The following GASK1A variants were observed in gnomAD, a reference collection of about 807,000 sequenced individuals.
GASK1A encodes the protein golgi associated kinase 1A, also known as Golgi-associated kinase 1A.
GASK1A carries 40 observed loss-of-function variants against 41.2 expected under a neutral mutation model. The observed-to-expected ratio is 0.97, with a 90% CI of 0.75 to 1.27. GASK1A has a LOEUF of 1.27. GASK1A is among the 50% of genes most tolerant of loss of function. The pLI, the probability that GASK1A is intolerant of heterozygous loss-of-function variation, is 0.00. For missense variants in GASK1A, 678 were observed against 745.1 expected, an observed-to-expected ratio of 0.91 and a Z score of 1.05; for synonymous variants, 316 against 307.1, an observed-to-expected ratio of 1.03 and a Z score of -0.30.
At chr3:43,002,282 G>A (rs2089413450) in intron 1 of GASK1A, among the ~76,000 whole-genome samples, 1 of 152,156 alleles carries the variant, frequency 6.6e-6, no homozygotes, top group Non-Finnish European at 1.5e-5. Context: ...AAGGCTGGAG[G>A]AAAAACTGAT....
chr3:43,019,074 T>A (rs1356507432), intron 1 of GASK1A, among the ~76,000 whole-genome samples: 1 of 152,166 alleles, frequency 6.6e-6, no homozygotes, highest in African/African-American at 2.4e-5. Flanking sequence ...GGCATGAGGA[T>A]TAAATTATAA....
At chr3:43,035,931 G>T (rs138875246) in intron 2 of GASK1A, among the ~76,000 whole-genome samples, 1 of 152,208 alleles carries the variant, frequency 6.6e-6, no homozygotes, top group Non-Finnish European at 1.5e-5. Context: ...TGACTCTAGA[G>T]CTCACTCTCT....
chr3:43,034,356 G>A (rs1266650707), intron 2 of GASK1A, among the ~76,000 whole-genome samples: 1 of 152,208 alleles, frequency 6.6e-6, no homozygotes, highest in East Asian at 1.9e-4. Flanking sequence ...CAGGGAAGGG[G>A]TTGTGTTGTC....
Position 42,991,778 on chromosome 3 carries a change from C to G in GASK1A, c.3+12133C>G, listed in dbSNP as rs1289153767. 2.0e-5 allele frequency among the ~76,000 whole-genome samples: 3 copies of G among 152,166 alleles called. No individual in the cohort carries two copies. In the East Asian group the frequency reaches 5.8e-4, roughly 29 times the overall value. On this transcript the variant is annotated intron_variant, in intron 1 of 4. Coordinates refer to ENST00000430121, the MANE Select transcript of GASK1A (RefSeq NM_001129908.3). ...GAGAGTGAGTGGGACACACAGGGTT[C>G]TTTCTCAAGGACAGAGTGGCTCTGT...
At chr3:42,994,966 A>G (rs1340073655) in intron 1 of GASK1A, among the ~76,000 whole-genome samples, 3 of 152,208 alleles carry the variant, frequency 2.0e-5, no homozygotes, top group African/African-American at 4.8e-5. Context: ...GCAGGTGGCA[A>G]TTGAACACCT....
At chr3:43,008,044 G>C (rs931056466) in intron 1 of GASK1A, among the ~76,000 whole-genome samples, 1 of 152,170 alleles carries the variant, frequency 6.6e-6, no homozygotes, top group Non-Finnish European at 1.5e-5. Context: ...ATTCTTTTAG[G>C]CTTCTATAAT....
chr3:43,029,792 T>C lies in GASK1A; in HGVS notation c.4-2475T>C, dbSNP rs146096615. On this transcript the variant is annotated intron_variant, in intron 1 of 4. Coordinates refer to ENST00000430121, the MANE Select transcript of GASK1A (RefSeq NM_001129908.3). ...TTTTACAGCTGGGCTGTAACTGAGA[T>C]TTCCCATTTCCACTTCCTTTTGATT... Among the ~76,000 whole-genome samples, 351 of 152,272 alleles carry C rather than the reference T, an allele frequency of 2.3e-3. 3 individuals are homozygous for C. Among genetic ancestry groups the C allele is most frequent in the African/African-American group, 8.1e-3 (335 of 41,534 alleles).
chr3:43,009,548 C>G (rs1191200331), intron 1 of GASK1A, among the ~76,000 whole-genome samples: 2 of 152,226 alleles, frequency 1.3e-5, no homozygotes, highest in East Asian at 1.9e-4. Context: ...GGAATCTCAG[C>G]TCTTCTACTT....
Position 43,038,170 on chromosome 3 carries a change from A to G in GASK1A, c.1290+4617A>G, listed in dbSNP as rs145136705. Among the ~76,000 whole-genome samples, 401 of 152,330 alleles carry G rather than the reference A, an allele frequency of 2.6e-3. 2 individuals carry two copies. In the Middle Eastern group the frequency reaches 0.031, roughly 12 times the overall value. ...TCTGAAACTTTTCGTGACTCACACC[A>G]TGCATCTGTGATCAATGAACTATGT... is the stretch of plus-strand genomic sequence containing the variant. On this transcript the variant is annotated intron_variant, in intron 2 of 4. Transcript: ENST00000430121.
intron 1 of GASK1A, among the ~76,000 whole-genome samples, chr3:42,989,251 A>G (rs1302885574): frequency 6.6e-6 from 1 of 152,168 alleles, no homozygotes; most frequent in Non-Finnish European, 1.5e-5. Context: ...CACATTTCCT[A>G]CAGAGCCTGG....
At chr3:43,007,591 A>G (rs1381776097) in intron 1 of GASK1A, among the ~76,000 whole-genome samples, 1 of 152,200 alleles carries the variant, frequency 6.6e-6, no homozygotes, top group African/African-American at 2.4e-5. Context: ...CTAGTTTAGG[A>G]TTCAGCTTTC....
chr3:42,992,805 G>T (rs1471546990), intron 1 of GASK1A, among the ~76,000 whole-genome samples: 1 of 152,200 alleles, frequency 6.6e-6, no homozygotes, highest in Admixed American at 6.5e-5. Context: ...TTCGCAAATC[G>T]GGCAGCTGCC....
chr3:42,995,153 G>A (rs1310534831), intron 1 of GASK1A, among the ~76,000 whole-genome samples: 1 of 152,216 alleles, frequency 6.6e-6, no homozygotes, highest in Non-Finnish European at 1.5e-5. Flanking sequence ...AGTGGGCTGG[G>A]TGTAACGAAA....
chr3:43,001,335 T>C (rs1475329299), intron 1 of GASK1A, among the ~76,000 whole-genome samples: 1 of 152,180 alleles, frequency 6.6e-6, no homozygotes, highest in African/African-American at 2.4e-5. Flanking sequence ...AAAGCGATCA[T>C]TCCTTCTAAC....
chr3:42,994,044 C>T (rs2089356465), intron 1 of GASK1A, among the ~76,000 whole-genome samples: 1 of 152,176 alleles, frequency 6.6e-6, no homozygotes, highest in Non-Finnish European at 1.5e-5. Context: ...ATGAAGGACT[C>T]CCAGGTGGGC....
At chr3:43,037,572 G>A in intron 2 of GASK1A, 1 of 311,128 alleles carries the variant, frequency 3.2e-6, no homozygotes, top group Non-Finnish European at 5.9e-6. Context: ...TGAGGACTTT[G>A]GAAATTCAGA....
At chr3:43,016,329 A>T (rs1302757238) in intron 1 of GASK1A, among the ~76,000 whole-genome samples, 1 of 150,624 alleles carries the variant, frequency 6.6e-6, no homozygotes. Context: ...ATGACAGGGA[A>T]ACAGGCTGTG....
chr3:43,036,898 C>T (rs1017768148), intron 2 of GASK1A, among the ~76,000 whole-genome samples: 46 of 152,240 alleles, frequency 3.0e-4, no homozygotes, highest in African/African-American at 1.1e-3. Context: ...CTGGGGAAAC[C>T]CTGAGCTGAG....
At chr3:43,049,272 A>G in intron 2 of GASK1A, among the ~76,000 whole-genome samples, 1 of 151,842 alleles carries the variant, frequency 6.6e-6, no homozygotes, top group East Asian at 1.9e-4. Flanking sequence ...AAGAGATAAG[A>G]TGACTTAATG....
Sources: gnomAD v4.1 joint callset for allele counts (sites outside exome capture counted in the v4.1 genomes callset) on GRCh38, gnomAD v4.1.1 for gene constraint, MANE v1.5 for transcripts, NCBI Gene and HGNC (gene_info 2026-07-23, HGNC 2026-07-21) for gene names.